The following GPR158 variants were observed in gnomAD, a reference collection of about 807,000 sequenced individuals.
GPR158 encodes the protein G protein-coupled receptor 158.
Under a neutral mutation model 78.2 loss-of-function variants are expected in GPR158, and 30 were observed. The ratio of observed to expected loss-of-function variants is 0.38; its 90% confidence interval spans 0.29 to 0.52. GPR158 has a LOEUF of 0.52. Among genes scored for constraint, GPR158 ranks in the 20% least tolerant of loss-of-function variants. GPR158 has a pLI of 0.83. For synonymous variants in GPR158, 581 were observed against 591.1 expected (o/e 0.98, Z 0.25); for missense variants, 1,463 against 1,523.5 (o/e 0.96, Z 0.66).
chr10:25,576,419 C>T (rs1347125507), intron 7 of GPR158, among the ~76,000 whole-genome samples: 2 of 152,126 alleles, frequency 1.3e-5, no homozygotes, highest in Admixed American at 6.5e-5. Flanking sequence ...TACTTTACTC[C>T]TCCTAAATTC....
At chr10:25,572,524 ACAAAG>A in intron 6 of GPR158, 120 bp from the exon 7 acceptor site, 2 of 740,216 alleles carry the variant, frequency 2.7e-6, no homozygotes, top group South Asian at 3.3e-5. Flanking sequence ...CAAATACAAA[ACAAAG>A]CAAACTCTGA....
intron 4 of GPR158, among the ~76,000 whole-genome samples, chr10:25,419,783 G>T (rs552834583): frequency 6.6e-6 from 1 of 152,108 alleles, no homozygotes; most frequent in South Asian, 2.1e-4. Context: ...CTTTTCATGT[G>T]CCATGAGCCA....
intron 2 of GPR158, among the ~76,000 whole-genome samples, chr10:25,299,721 G>C (rs1588784062): frequency 6.6e-6 from 1 of 152,170 alleles, no homozygotes; most frequent in East Asian, 1.9e-4. Context: ...TTATACTCGT[G>C]TCTTTCTTCA....
chr10:25,175,112 C>T lies in GPR158; in HGVS notation c.-309C>T, dbSNP rs906088132. 2.2e-5 allele frequency: 6 copies of T among 270,974 alleles called. No individual in the cohort carries two copies. The highest frequency in any genetic ancestry group is 3.5e-5 in the Non-Finnish European group (5 of 143,144). 16.8% of individuals were successfully genotyped at this position (270,974 alleles called of 1,614,324 possible). A position where few individuals can be genotyped will look rare whatever the true frequency, so the allele number is the denominator to read the frequency against. On this transcript the variant is annotated 5_prime_UTR_variant, in exon 1 of 11. Coordinates refer to ENST00000376351, the MANE Select transcript of GPR158 (RefSeq NM_020752.3). This position sits in a 1 kb window ranked among gnomAD's most constrained non-coding sequence, Gnocchi z 6.4. ...GGGCCGAGAGACGGACTCGGGCTGA[C>T]TCCAGCCGCTGGGAGCGCGAGGCCA...
chr10:25,480,385 G>A (rs947466349), intron 5 of GPR158, among the ~76,000 whole-genome samples: 12 of 152,104 alleles, frequency 7.9e-5, no homozygotes, highest in Admixed American at 7.9e-4. Flanking sequence ...GCAAAATTCA[G>A]TGGCTTTAAA....
chr10:25,562,955 TCTG>T (rs1394718307), intron 6 of GPR158, among the ~76,000 whole-genome samples: 1 of 152,238 alleles, frequency 6.6e-6, no homozygotes. Context: ...ATTATGGGGA[TCTG>T]ATGTTTAGTA....
At chr10:25,242,035 T>G (rs1043762145) in intron 2 of GPR158, among the ~76,000 whole-genome samples, 1 of 152,238 alleles carries the variant, frequency 6.6e-6, no homozygotes, top group Non-Finnish European at 1.5e-5. Flanking sequence ...AGTGAAATGT[T>G]TCTATAAACT....
chr10:25,390,058 T>G (rs115825172), intron 2 of GPR158, among the ~76,000 whole-genome samples: 1 of 152,190 alleles, frequency 6.6e-6, no homozygotes. Context: ...TCTGCCACCA[T>G]GTAAGACATG....
intron 2 of GPR158, among the ~76,000 whole-genome samples, chr10:25,259,450 G>A (rs547895013): frequency 6.6e-6 from 1 of 152,176 alleles, no homozygotes; most frequent in African/African-American, 2.4e-5. Flanking sequence ...TTCTTTGTGT[G>A]TGTGTTTTTA....
In GPR158 at chr10:25,600,155, T is replaced by A. The variant is rs1026015488; in HGVS notation, c.*881T>A. 1 of 152,638 alleles carries A rather than the reference T, an allele frequency of 6.6e-6. No individual in the cohort carries two copies. Among genetic ancestry groups the A allele is most frequent in the Non-Finnish European group, 1.5e-5 (1 of 68,042 alleles). The allele number at this position is 152,638 out of a possible 1,614,324, so 9.5% of individuals were successfully genotyped here. A position where few individuals can be genotyped will look rare whatever the true frequency, so the allele number is the denominator to read the frequency against. Reference sequence around the variant, plus strand: ...TTCTTGTTAGGACTCAGAAGCTTTATTAATATTGGAGATCAAGTGGTCCTA... The same window carrying A: ...TTCTTGTTAGGACTCAGAAGCTTTAATAATATTGGAGATCAAGTGGTCCTA... On this transcript the variant is annotated 3_prime_UTR_variant, in exon 11 of 11. Transcript: ENST00000376351.
chr10:25,531,661 A>T (rs1267104353), intron 5 of GPR158, among the ~76,000 whole-genome samples: 2 of 152,224 alleles, frequency 1.3e-5, no homozygotes, highest in Non-Finnish European at 2.9e-5. Context: ...GAGGGAATTT[A>T]TAAGGATCTG....
intron 5 of GPR158, among the ~76,000 whole-genome samples, chr10:25,469,134 T>G (rs1275405310): frequency 2.0e-5 from 3 of 152,216 alleles, no homozygotes; most frequent in Non-Finnish European, 4.4e-5. Context: ...TTCTTCATAC[T>G]TGAATGCCTC....
At chr10:25,400,017 T>C (rs770542788) in intron 3 of GPR158, among the ~76,000 whole-genome samples, 1 of 152,170 alleles carries the variant, frequency 6.6e-6, no homozygotes, top group Non-Finnish European at 1.5e-5. Flanking sequence ...AAGTGGTCAA[T>C]ACACAGTTAA....
intron 2 of GPR158, among the ~76,000 whole-genome samples, chr10:25,390,087 C>T (rs1485231585): frequency 6.6e-6 from 1 of 152,248 alleles, no homozygotes; most frequent in East Asian, 1.9e-4. Flanking sequence ...CCTCTTTTGC[C>T]CTCCATCATA....
intron 2 of GPR158, among the ~76,000 whole-genome samples, chr10:25,254,361 G>A (rs1325502191): frequency 6.6e-6 from 1 of 152,122 alleles, no homozygotes; most frequent in African/African-American, 2.4e-5. Context: ...TAAAAATACT[G>A]TACGCTGTAG....
chr10:25,339,166 T>C (rs1440566088), intron 2 of GPR158, among the ~76,000 whole-genome samples: 2 of 151,832 alleles, frequency 1.3e-5, no homozygotes, highest in African/African-American at 4.8e-5. Flanking sequence ...AAAATTTATT[T>C]TATACAGATG....
chr10:25,324,900 A>G (rs1855008247), intron 2 of GPR158, among the ~76,000 whole-genome samples: 2 of 144,520 alleles, frequency 1.4e-5, no homozygotes, highest in African/African-American at 2.6e-5. Context: ...GTGTAGTGGC[A>G]TGATCATAGC....
At chr10:25,217,886 T>C (rs1853240793) in intron 1 of GPR158, among the ~76,000 whole-genome samples, 1 of 152,136 alleles carries the variant, frequency 6.6e-6, no homozygotes, top group Non-Finnish European at 1.5e-5. Flanking sequence ...TACACGCTTT[T>C]TTTTTGACCC....
intron 2 of GPR158, among the ~76,000 whole-genome samples, chr10:25,317,902 T>C (rs1854883734): frequency 6.6e-6 from 1 of 152,030 alleles, no homozygotes; most frequent in African/African-American, 2.4e-5. Context: ...CTAATTTTTG[T>C]ATTTTTAGTA....
Sources: gnomAD v4.1 joint callset for allele counts (sites outside exome capture counted in the v4.1 genomes callset) on GRCh38, gnomAD v4.1.1 for gene constraint, Gnocchi (gnomAD v3.1) non-coding constraint, MANE v1.5 for transcripts, NCBI Gene and HGNC (gene_info 2026-07-23, HGNC 2026-07-21) for gene names.